GSE1: variants seen among roughly 807,000 people sequenced by gnomAD.
GSE1 encodes genetic suppressor element 1.
In GSE1, 32 loss-of-function variants were observed where a neutral mutation model predicts 112.6. The ratio of observed to expected loss-of-function variants is 0.28; its 90% CI spans 0.21 to 0.38. The LOEUF (loss-of-function observed/expected upper bound fraction) is 0.38. GSE1 is among the 10% of genes least tolerant of loss of function. The pLI is 1.00. For synonymous variants in GSE1, 1,115 were observed against 735.6 expected (o/e 1.52, Z -8.35); for missense variants, 2,348 against 1,699.2 (o/e 1.38, Z -6.71).
chr16:85,611,259 C>A (rs1448238681), upstream of GSE1: 3 of 154,628 alleles, frequency 1.9e-5, no homozygotes, highest in Admixed American at 2.0e-4. Context: ...CTAACACCTC[C>A]CTATCCTCCC....
chr16:85,200,571 C>T (rs1435276317), intron 1 of GSE1, among the ~76,000 whole-genome samples: 1 of 152,116 alleles, frequency 6.6e-6, no homozygotes, highest in Non-Finnish European at 1.5e-5. Context: ...GGGCTGAACT[C>T]TTAACACCGG....
At chr16:85,417,527 C>CATAG (rs1314741260) in intron 2 of GSE1, among the ~76,000 whole-genome samples, 1 of 152,250 alleles carries the variant, frequency 6.6e-6, no homozygotes, top group African/African-American at 2.4e-5. Context: ...GTGTGTGCAG[C>CATAG]ATAGCGGTAG....
At position 85,357,596 on chromosome 16, in the gene GSE1, G is replaced by A. The variant is rs1156898648; in HGVS notation, c.2417G>A (p.Cys806Tyr). The A allele has an allele frequency of 7.0e-6, 9 of 1,288,954 alleles. No homozygotes were observed. In the East Asian group the frequency reaches 3.3e-4, roughly 48 times the overall value. The allele number at this position is 1,288,954 out of a possible 1,614,324, so 79.8% of individuals were successfully genotyped here. Residue 806 changes from cysteine to tyrosine, a missense_variant, in exon 2 of 3, where the codon TGT (cysteine) becomes TAT (tyrosine). Cys to Tyr is a radical substitution (Grantham distance 194, BLOSUM62 -2). Transcript: ENST00000637419. ...GCCCAGGAGCTGAGGCCAGCACAGT[G>A]TCTGCAGAGCAGCCGGGAGGAGGAC...
intron 1 of GSE1, among the ~76,000 whole-genome samples, chr16:85,585,771 A>G (rs1465518889): frequency 6.6e-6 from 1 of 152,186 alleles, no homozygotes; most frequent in Non-Finnish European, 1.5e-5. Flanking sequence ...CCACTCTGAG[A>G]GCTTCCCAGC....
At chr16:85,611,509 C>T (rs1399825090), upstream of GSE1, 4 of 981,774 alleles carry the variant, frequency 4.1e-6, no homozygotes, top group East Asian at 2.3e-4. Flanking sequence ...CCGCGCCGTG[C>T]CAGGGCCGGC....
chr16:85,469,525 G>A (rs1036741877), intron 2 of GSE1, among the ~76,000 whole-genome samples: 13 of 152,138 alleles, frequency 8.5e-5, no homozygotes, highest in African/African-American at 3.1e-4. Context: ...CCAGTTTGTC[G>A]CCGTTTGTTA....
intron 2 of GSE1, among the ~76,000 whole-genome samples, chr16:85,454,958 C>T (rs1407299183): frequency 2.0e-5 from 3 of 152,172 alleles, no homozygotes; most frequent in Admixed American, 2.0e-4. Context: ...AGGGTATGGA[C>T]AGATCTTTCT....
chr16:85,655,263 T>C (rs2051821147), intron 5 of GSE1, among the ~76,000 whole-genome samples: 1 of 152,184 alleles, frequency 6.6e-6, no homozygotes, highest in East Asian at 1.9e-4. Flanking sequence ...AGCAAGTCAC[T>C]GTTAAGAGAG....
chr16:85,232,122 C>T (rs1306963212), intron 1 of GSE1, among the ~76,000 whole-genome samples: 1 of 152,202 alleles, frequency 6.6e-6, no homozygotes, highest in Non-Finnish European at 1.5e-5. Context: ...AGAAGCAAGG[C>T]GTTGGCCTTC....
At chr16:85,375,210 G>C (rs2080349848) in intron 2 of GSE1, among the ~76,000 whole-genome samples, 1 of 152,182 alleles carries the variant, frequency 6.6e-6, no homozygotes, top group African/African-American at 2.4e-5. Context: ...TGCCACTCTT[G>C]TCATTACTAA....
At chr16:85,606,595 G>A (rs1598354976), upstream of GSE1, among the ~76,000 whole-genome samples, 1 of 152,370 alleles carries the variant, frequency 6.6e-6, no homozygotes, top group Non-Finnish European at 1.5e-5. Context: ...GGTGACCCGG[G>A]AGAGGGACAG....
At chr16:85,550,857 CG>C (rs2044883794) in intron 2 of GSE1, among the ~76,000 whole-genome samples, 1 of 152,210 alleles carries the variant, frequency 6.6e-6, no homozygotes, top group Admixed American at 6.5e-5. Context: ...ATTGGGGATC[CG>C]GCGGGCCGCA....
intron 1 of GSE1, among the ~76,000 whole-genome samples, chr16:85,319,433 T>C (rs529170021): frequency 1.3e-5 from 2 of 152,308 alleles, no homozygotes; most frequent in East Asian, 3.9e-4. Context: ...GTGTCCGCCC[T>C]GGCAGCAGAG....
In GSE1 at chr16:85,663,021, T is replaced by C. The variant is rs377139102; in HGVS notation, c.2301T>C (p.Asp767=). The C allele has an allele frequency of 6.2e-7, 1 of 1,613,142 alleles. No homozygotes were observed. The highest frequency in any genetic ancestry group is 8.5e-7 in the Non-Finnish European group (1 of 1,179,592). The change falls in exon 10 of 16, where the codon GAT becomes GAC. Residue 767 remains aspartate (D), a synonymous_variant. Coordinates refer to ENST00000253458, the MANE Select transcript of GSE1 (RefSeq NM_014615.5). ...YDLDDSYDES[D]EEEVRAHLRC... The stretch of plus-strand genomic sequence containing the variant: ...TCGATGACTCTTACGACGAGAGCGA[T>C]GAGGAGGAGGTCAGGGCCCACCTCC...
chr16:85,522,726 A>AGT (rs2052229995), intron 2 of GSE1, among the ~76,000 whole-genome samples: 1 of 151,764 alleles, frequency 6.6e-6, no homozygotes, highest in African/African-American at 2.4e-5. Flanking sequence ...GGTTGCGCAG[A>AGT]GTGTTGGAGT....
In GSE1 at chr16:85,438,153, C is replaced by T. The variant is rs150673079; in HGVS notation, c.2464+80510C>T. On this transcript the variant is annotated intron_variant, in intron 2 of 2. Transcript: ENST00000637419. ...ACTGTGTTTTCGTCTCTGCCTCCCC[C>T]GTCAGTCTGTGAGCCCCCACGGGGT... Among the ~76,000 whole-genome samples, 476 of 152,290 alleles carry T rather than the reference C, an allele frequency of 3.1e-3. 3 individuals are homozygous for T. Among genetic ancestry groups the T allele is most frequent in the Non-Finnish European group, 5.3e-3 (360 of 68,016 alleles).
At chr16:85,439,929 G>A (rs115737422) in intron 2 of GSE1, among the ~76,000 whole-genome samples, 395 of 152,300 alleles carry the variant, frequency 2.6e-3, no homozygotes, top group African/African-American at 9.0e-3. Flanking sequence ...CATGCACACA[G>A]GCATACGCAG....
intron 1 of GSE1, among the ~76,000 whole-genome samples, chr16:85,225,378 G>A (rs1357843741): frequency 6.6e-6 from 1 of 152,192 alleles, no homozygotes. Context: ...AGGGCCCGAG[G>A]AGGGAACGGG....
chr16:85,550,962 A>T (rs543055871), intron 2 of GSE1, among the ~76,000 whole-genome samples: 1 of 152,328 alleles, frequency 6.6e-6, no homozygotes, highest in South Asian at 2.1e-4. Flanking sequence ...TGTGTCCAGA[A>T]CATGGCCCTG....
Sources: allele counts gnomAD v4.1 joint callset (sites outside exome capture counted in the v4.1 genomes callset), GRCh38; gene constraint gnomAD v4.1.1; transcripts MANE v1.5; gene names NCBI Gene and HGNC (gene_info 2026-07-23, HGNC 2026-07-21).